EPB41: variants seen among roughly 807,000 people sequenced by gnomAD.
EPB41 encodes erythrocyte membrane protein band 4.1, also known as protein 4.1.
A neutral mutation model predicts 108.0 loss-of-function variants in EPB41; 65 were observed. That is an observed-to-expected ratio of 0.60 (90% CI 0.49 to 0.74). The LOEUF (loss-of-function observed/expected upper bound fraction) is 0.74. Ranked by LOEUF, EPB41 falls within the 30% of genes least tolerant of loss-of-function variation. EPB41 has a pLI of 0.00. For synonymous variants in EPB41, 336 were observed against 358.9 expected (o/e 0.94, Z 0.72); for missense variants, 875 against 1,037.0 (o/e 0.84, Z 2.15).
At chr1:29,034,973 GTTTTTTTTTTT>G (rs10580931) in intron 9 of EPB41, among the ~76,000 whole-genome samples, 12 of 87,194 alleles carry the variant, frequency 1.4e-4, no homozygotes, top group African/African-American at 3.6e-4. Context: ...TTTGTTTGTT[GTTTTTTTTTTT>G]TTTTTTTTTT....
At chr1:29,009,507 T>A (rs2096464683) in intron 4 of EPB41, among the ~76,000 whole-genome samples, 1 of 152,126 alleles carries the variant, frequency 6.6e-6, no homozygotes, top group African/African-American at 2.4e-5. Flanking sequence ...CTAGGGAGAT[T>A]CTCTTAAAAT....
chr1:29,004,982 C>G (rs977620140), intron 4 of EPB41, among the ~76,000 whole-genome samples: 4 of 152,038 alleles, frequency 2.6e-5, no homozygotes, highest in African/African-American at 9.7e-5. Flanking sequence ...ATGACTAACT[C>G]GGGGAATGGA....
chr1:28,952,354 T>C (rs1284565229), intron 1 of EPB41, among the ~76,000 whole-genome samples: 1 of 152,038 alleles, frequency 6.6e-6, no homozygotes, highest in African/African-American at 2.4e-5. Context: ...GGTGAAACCC[T>C]GTCTCTACTA....
At chr1:29,065,307 C>A (rs1647150073) in intron 16 of EPB41, 149 bp downstream of exon 16, 1 of 1,341,384 alleles carries the variant, frequency 7.5e-7, no homozygotes, top group East Asian at 2.7e-5. Flanking sequence ...CATTTGTAAT[C>A]AAATATTTAT....
intron 1 of EPB41, among the ~76,000 whole-genome samples, chr1:28,950,419 C>T (rs773766208): frequency 1.3e-5 from 2 of 152,170 alleles, no homozygotes; most frequent in African/African-American, 2.4e-5. Context: ...CACAATCAGG[C>T]TTTATATATA....
intron 15 of EPB41, among the ~76,000 whole-genome samples, chr1:29,063,020 A>T (rs141882751): frequency 6.6e-6 from 1 of 152,344 alleles, no homozygotes; most frequent in East Asian, 1.9e-4. Flanking sequence ...TAAGAGAGTT[A>T]TCATTTTACA....
chr1:28,967,543 A>T (rs914768244), intron 1 of EPB41, among the ~76,000 whole-genome samples: 3 of 152,190 alleles, frequency 2.0e-5, no homozygotes, highest in Non-Finnish European at 2.9e-5. Flanking sequence ...CTCAAGCTGT[A>T]GTATGAATTC....
chr1:29,040,788 G>A (rs1441212383), intron 11 of EPB41, among the ~76,000 whole-genome samples: 4 of 152,076 alleles, frequency 2.6e-5, no homozygotes, highest in African/African-American at 9.7e-5. Context: ...TTACTGAAAC[G>A]AGGTAATAAG....
At chr1:28,919,644 G>A (rs976472672) in intron 1 of EPB41, among the ~76,000 whole-genome samples, 4 of 151,874 alleles carry the variant, frequency 2.6e-5, no homozygotes, top group East Asian at 1.9e-4. Flanking sequence ...TGGTAGAAAC[G>A]GGGTTTCACC....
At chr1:29,092,467 G>A (rs974298000) in intron 16 of EPB41, among the ~76,000 whole-genome samples, 4 of 152,168 alleles carry the variant, frequency 2.6e-5, no homozygotes, top group Admixed American at 2.0e-4. Flanking sequence ...AAGATTTCAT[G>A]CCTAAGTGGC....
rs1194663213 is a variant in EPB41, at chr1:29,119,464, A to G, written c.*2652A>G. ...GCAATTTTATTTTAATTTGAGAAAT[A>G]AAGATTTCCTCCAAGCCACATGAGG... On this transcript the variant is annotated 3_prime_UTR_variant, in exon 21 of 21. Transcript: ENST00000343067. 1.3e-5 allele frequency: 2 copies of G among 152,520 alleles called. No homozygotes were observed. Among genetic ancestry groups the G allele is most frequent in the Admixed American group, 6.5e-5 (1 of 15,274 alleles). 9.4% of individuals were successfully genotyped at this position (152,520 alleles called of 1,614,324 possible).
intron 8 of EPB41, among the ~76,000 whole-genome samples, chr1:29,031,409 G>A (rs964211958): frequency 6.6e-6 from 1 of 152,160 alleles, no homozygotes; most frequent in Non-Finnish European, 1.5e-5. Context: ...TTGGAGGCGA[G>A]GTTCTAGAAT....
chr1:28,971,180 CTTT>C (rs1000130058), intron 1 of EPB41, among the ~76,000 whole-genome samples: 7 of 66,324 alleles, frequency 1.1e-4, no homozygotes, highest in South Asian at 6.9e-4. Context: ...TTCTTTCTTT[CTTT>C]TTTTTTTTTT....
Position 29,115,113 on chromosome 1 carries a change from C to T in EPB41, c.2497-586C>T, listed in dbSNP as rs1490209466. Among the ~76,000 whole-genome samples the T allele has an allele frequency of 6.6e-6, 1 of 152,126 alleles. No homozygotes were observed. Among genetic ancestry groups the T allele is most frequent in the Non-Finnish European group, 1.5e-5 (1 of 68,044 alleles). ...AGATAGGTATAATAGATAATATAGG[C>T]CAGGTGCAGTGGCTCACACCTGTCA... is the stretch of plus-strand genomic sequence containing the variant. On this transcript the variant is annotated intron_variant, in intron 19 of 20. Coordinates refer to ENST00000343067, the MANE Select transcript of EPB41 (RefSeq NM_001376013.1). This position sits in a 1 kb window ranked among gnomAD's most constrained non-coding sequence, Gnocchi z 4.4.
Position 29,039,243 on chromosome 1 carries a change from T to A in EPB41, c.1464-11T>A, listed in dbSNP as rs760017660. 1 of 1,613,408 alleles carries A rather than the reference T, an allele frequency of 6.2e-7. No homozygotes were observed. Among genetic ancestry groups the A allele is most frequent in the South Asian group, 1.1e-5 (1 of 91,070 alleles). On this transcript the variant is annotated splice_polypyrimidine_tract_variant and intron_variant, in intron 10 of 20. Transcript: ENST00000343067. The stretch of plus-strand genomic sequence containing the variant: ...TATATAATAATATGACTATTACGAT[T>A]TTCCCCCCAGATTGACATCTACAGA...
At position 29,053,201 on chromosome 1, in the gene EPB41, T is replaced by C; in HGVS notation, c.1734T>C (p.Ser578=). ...CAGAAGGTGGCGTCCTAGATGCCTCTGCTAAAAAAACAGTGGTCCCTAAAG... is the reference window on the plus strand; with the variant it reads ...CAGAAGGTGGCGTCCTAGATGCCTCCGCTAAAAAAACAGTGGTCCCTAAAG... ...QVAEGGVLDA[S]AKKTVVPKAQ... Residue 578 remains serine, a synonymous_variant, in exon 12 of 21, where the codon TCT becomes TCC. Transcript: ENST00000343067. The C allele has an allele frequency of 6.2e-7, 1 of 1,614,148 alleles. No homozygotes were observed. Among genetic ancestry groups the C allele is most frequent in the Non-Finnish European group, 8.5e-7 (1 of 1,180,032 alleles).
At chr1:28,992,040 A>G (rs563874650) in intron 2 of EPB41, among the ~76,000 whole-genome samples, 1 of 152,310 alleles carries the variant, frequency 6.6e-6, no homozygotes, top group East Asian at 1.9e-4. Flanking sequence ...GAAGACAAAA[A>G]AGTAGCAAAT....
chr1:28,897,526 G>T (rs1289967388), intron 1 of EPB41, among the ~76,000 whole-genome samples: 1 of 151,030 alleles, frequency 6.6e-6, no homozygotes, highest in Non-Finnish European at 1.5e-5. Context: ...TCCAGCCTGG[G>T]TGACAAAGTG....
intron 1 of EPB41, among the ~76,000 whole-genome samples, chr1:28,974,985 G>T (rs1011250898): frequency 3.3e-5 from 5 of 151,834 alleles, no homozygotes; most frequent in African/African-American, 1.2e-4. Context: ...GTAGAGATGG[G>T]GTTTCTCCAT....
Sources: allele counts gnomAD v4.1 joint callset (sites outside exome capture counted in the v4.1 genomes callset), GRCh38; gene constraint gnomAD v4.1.1; non-coding constraint Gnocchi (gnomAD v3.1); transcripts MANE v1.5; gene names NCBI Gene and HGNC (gene_info 2026-07-23, HGNC 2026-07-21).